The following SLC19A1 variants were observed in gnomAD, a reference collection of about 807,000 sequenced individuals.
SLC19A1 encodes the protein solute carrier family 19 member 1.
SLC19A1 carries 37 observed loss-of-function variants against 35.3 expected under a neutral mutation model. The ratio of observed to expected loss-of-function variants is 1.05; its 90% CI spans 0.81 to 1.38. The LOEUF is 1.38. Ranked by LOEUF, SLC19A1 falls within the 40% of genes most tolerant of loss-of-function variation. SLC19A1 has a pLI of 0.00. For synonymous variants in SLC19A1, 460 were observed against 398.5 expected (o/e 1.15, Z -1.84); for missense variants, 831 against 826.9 (o/e 1.00, Z -0.06).
rs985944265 is a variant in SLC19A1 at position 45,512,761 on chromosome 21, T to G, written c.*2897A>C. 6 of 368,984 alleles carry G rather than the reference T, an allele frequency of 1.6e-5. No individual in the cohort carries two copies. The highest frequency in any genetic ancestry group is 1.2e-4 in the Admixed American group (3 of 24,284). 22.9% of individuals were successfully genotyped at this position (368,984 alleles called of 1,614,324 possible). On this transcript the variant is annotated 3_prime_UTR_variant, in exon 6 of 6. Coordinates refer to ENST00000311124, the MANE Select transcript of SLC19A1 (RefSeq NM_194255.4). ...AAGCCGTGCTCGCCCCAGCAGGTGC[T>G]GACTTCATCTCCCACCTAGCAGCAC...
rs1441133127 is a variant in SLC19A1, at chr21:45,534,629, G to A, written c.190-2481C>T. 2 of 1,534,836 alleles carry A rather than the reference G, an allele frequency of 1.3e-6. No individual in the cohort carries two copies. The highest frequency in any genetic ancestry group is 2.4e-5 in the South Asian group (2 of 84,052). On this transcript the variant is annotated intron_variant, in intron 2 of 5. Transcript: ENST00000311124. This position sits in a 1 kb window ranked among gnomAD's most constrained non-coding sequence, Gnocchi z 4.2. The stretch of plus-strand genomic sequence containing the variant: ...CATCAGGCACCTCCTGGTCTTAGTT[G>A]AGGGTCTGAGCGCAGAGCTCCCCCT...
At chr21:45,504,358 G>A (rs981484568) in intron 3 of SLC19A1, 3 of 1,561,676 alleles carry the variant, frequency 1.9e-6, no homozygotes, top group South Asian at 2.3e-5. Flanking sequence ...GGGATGGGAG[G>A]CCACCTGTGG....
chr21:45,536,331 A>G (rs2146410594), intron 2 of SLC19A1: 1 of 152,826 alleles, frequency 6.5e-6, no homozygotes, highest in South Asian at 2.1e-4. Flanking sequence ...CATAATGCTC[A>G]CCCCTATAAA....
intron 3 of SLC19A1, chr21:45,504,178 T>G: frequency 8.4e-7 from 1 of 1,188,146 alleles, no homozygotes; most frequent in African/African-American, 1.5e-5. Context: ...CGAGGGGCGC[T>G]GGCTCCAGAG....
rs553980195 is a variant in SLC19A1 at position 45,534,989 on chromosome 21, G to A, written c.189+2782C>T. ...ATCTACGTCCAGACGGCCTCAGGGC[G>A]GCTTCTCTGAACAGGGAGGCGGGAA... is the stretch of plus-strand genomic sequence containing the variant. On this transcript the variant is annotated intron_variant, in intron 2 of 5. Transcript: ENST00000311124. The surrounding 1 kb of genome is among the most constrained non-coding windows in gnomAD (Gnocchi z 4.2). Among the ~76,000 whole-genome samples the A allele has an allele frequency of 7.2e-5, 11 of 152,382 alleles. No homozygotes were observed. Among genetic ancestry groups the A allele is most frequent in the South Asian group, 2.1e-4 (1 of 4,832 alleles).
At chr21:45,518,635 G>A (rs547217506) in intron 5 of SLC19A1, among the ~76,000 whole-genome samples, 19 of 152,156 alleles carry the variant, frequency 1.2e-4, no homozygotes, top group African/African-American at 2.9e-4. Context: ...GACACTTTAC[G>A]GGCAAGCAAT....
chr21:45,529,822 GTGTGTGGTGTGTC>G (rs1392000548), intron 4 of SLC19A1, among the ~76,000 whole-genome samples: 4 of 147,760 alleles, frequency 2.7e-5, no homozygotes, highest in African/African-American at 9.8e-5. Flanking sequence ...GTCCATGTGA[GTGTGTGGTGTGTC>G]TGTGTGGTGT....
At chr21:45,506,983 GA>G in intron 3 of SLC19A1, 2 of 277,592 alleles carry the variant, frequency 7.2e-6, no homozygotes, top group South Asian at 3.4e-5. Context: ...TAGGCACCCG[GA>G]TGCAGCCCCA....
At chr21:45,539,072 T>G (rs999619927) in intron 1 of SLC19A1, among the ~76,000 whole-genome samples, 44 of 152,184 alleles carry the variant, frequency 2.9e-4, no homozygotes, top group African/African-American at 9.2e-4. Flanking sequence ...ATCAGAATCA[T>G]GTCTCCAGGT....
upstream of SLC19A1, among the ~76,000 whole-genome samples, chr21:45,543,468 C>T (rs1054444781): frequency 1.3e-5 from 2 of 152,228 alleles, no homozygotes; most frequent in African/African-American, 2.4e-5. Flanking sequence ...TCTGGGGCAG[C>T]AGCCCCTGGA....
In SLC19A1 at chr21:45,503,681, A is replaced by G. The variant is rs866927327; in HGVS notation, c.498-5069T>C. On this transcript the variant is annotated intron_variant, in intron 3 of 4. Transcript: ENST00000417954. ...GGGATAGCATTGGGAGATATACCTA[A>G]TGCTAGATGACGAGTTAGTGGGTGC... Among the ~76,000 whole-genome samples, 22 of 151,276 alleles carry G rather than the reference A, an allele frequency of 1.5e-4. No homozygotes were observed. The East Asian group carries it at 3.1e-3, about 22-fold the overall frequency.
At chr21:45,503,138 A>G (rs1026976406) in intron 3 of SLC19A1, among the ~76,000 whole-genome samples, 4 of 152,346 alleles carry the variant, frequency 2.6e-5, no homozygotes, top group African/African-American at 4.8e-5. Flanking sequence ...TCCCTGAGGA[A>G]TCGCCACACT....
intron 4 of SLC19A1, among the ~76,000 whole-genome samples, chr21:45,529,740 G>C (rs1260577046): frequency 6.6e-6 from 1 of 151,856 alleles, no homozygotes; most frequent in East Asian, 1.9e-4. Flanking sequence ...ATGTCCATGT[G>C]TGCTGTGTCC....
intron 3 of SLC19A1, chr21:45,502,533 A>G (rs971438374): frequency 6.6e-6 from 1 of 152,242 alleles, no homozygotes. Flanking sequence ...GAAATTGCGT[A>G]TGTTTTATAT....
intron 1 of SLC19A1, among the ~76,000 whole-genome samples, chr21:45,552,750 G>A (rs1215221099): frequency 1.3e-5 from 2 of 152,044 alleles, no homozygotes; most frequent in Non-Finnish European, 2.9e-5. Flanking sequence ...CTAATGCGGA[G>A]CCTGCAGGTC....
chr21:45,506,059 G>A, intron 3 of SLC19A1: 3 of 1,589,944 alleles, frequency 1.9e-6, no homozygotes, highest in Non-Finnish European at 2.6e-6. Flanking sequence ...GCCCCGGACA[G>A]GGATGGGAGC....
intron 3 of SLC19A1, chr21:45,505,115 C>G (rs1308901302): frequency 6.2e-7 from 1 of 1,605,624 alleles, no homozygotes; most frequent in African/African-American, 1.3e-5. Flanking sequence ...CAGGAAGCGT[C>G]TCTTGTCGCC....
downstream of SLC19A1, chr21:45,510,162 G>A: frequency 6.3e-7 from 1 of 1,597,142 alleles, no homozygotes; most frequent in East Asian, 2.3e-5. Flanking sequence ...CCGTGGGGCT[G>A]GCGGGCACCT....
downstream of SLC19A1, chr21:45,510,273 C>T (rs753846030): frequency 6.3e-7 from 1 of 1,596,832 alleles, no homozygotes; most frequent in Non-Finnish European, 8.5e-7. Flanking sequence ...TGGGTCAGTC[C>T]AGTCCTGAGG....
Sources: gnomAD v4.1 joint callset for allele counts (sites outside exome capture counted in the v4.1 genomes callset) on GRCh38, gnomAD v4.1.1 for gene constraint, Gnocchi (gnomAD v3.1) non-coding constraint, MANE v1.5 for transcripts, NCBI Gene and HGNC (gene_info 2026-07-23, HGNC 2026-07-21) for gene names.